The following NOC3L variants were observed in gnomAD, a reference collection of about 807,000 sequenced individuals.
NOC3L encodes nucleolar complex protein 3 homolog.
A neutral mutation model predicts 102.5 loss-of-function variants in NOC3L; 85 were observed. That is an observed-to-expected ratio of 0.83 (90% confidence interval 0.70 to 0.99). The LOEUF (loss-of-function observed/expected upper bound fraction) is 0.99. NOC3L is among the 50% of genes least tolerant of loss of function. The pLI is 0.00. For missense variants in NOC3L, 878 were observed against 914.9 expected (o/e 0.96, Z 0.52); for synonymous variants, 303 against 309.4 (o/e 0.98, Z 0.22).
chr10:94,340,295 T>C lies in NOC3L; in HGVS notation c.1761A>G (p.Thr587=). 6.2e-7 allele frequency: 1 copy of C among 1,612,012 alleles called. No homozygotes were observed. Among genetic ancestry groups the C allele is most frequent in the Non-Finnish European group, 8.5e-7 (1 of 1,179,018 alleles). ...PLKFYTHLYK[T]LFKLHAGATN... ...ACATACCTGCATGTAATTTGAACAGTGTTTTGTAGAGATGTGTGTAGAATT... is the reference window on the plus strand; with the variant it reads ...ACATACCTGCATGTAATTTGAACAGCGTTTTGTAGAGATGTGTGTAGAATT... The change falls in exon 16 of 21, where the codon ACA becomes ACG. Residue 587 remains threonine, a synonymous_variant. Coordinates refer to ENST00000371361, the MANE Select transcript of NOC3L (RefSeq NM_022451.11).
chr10:94,362,577 T>G (rs2054564362), intron 1 of NOC3L, among the ~76,000 whole-genome samples: 1 of 152,184 alleles, frequency 6.6e-6, no homozygotes, highest in African/African-American at 2.4e-5. Context: ...AAAGACGGTC[T>G]TGAAAAATTC....
chr10:94,338,643 G>A lies in NOC3L; in HGVS notation c.2056C>T (p.Gln686Ter), dbSNP rs1467174029. 1 of 1,610,328 alleles carries A rather than the reference G, an allele frequency of 6.2e-7. No individual in the cohort carries two copies. The highest frequency in any genetic ancestry group is 8.5e-7 in the Non-Finnish European group (1 of 1,177,536). ...TGCAGTTCCCACAGAGCAGTGTTCT[G>A]AGCATTGCAGTACTCAGGCTCATCC... The part of the protein sequence containing the change: ...ELDEPEYCNA[Q>*]NTALWELHAL... The change falls in exon 18 of 21, where the codon CAG becomes TAG. Residue 686 changes from glutamine to a stop codon, truncating the protein, a stop_gained. Coordinates refer to ENST00000371361, the MANE Select transcript of NOC3L (RefSeq NM_022451.11). LOFTEE classifies it high-confidence loss of function.
intron 17 of NOC3L, among the ~76,000 whole-genome samples, chr10:94,339,467 T>C (rs1372382030): frequency 2.6e-5 from 4 of 152,238 alleles, no homozygotes; most frequent in Admixed American, 1.3e-4. Context: ...GTTGTTTCTA[T>C]GTGTATGTGT....
Position 94,358,219 on chromosome 10 carries a change from T to C in NOC3L, c.218-4A>G. The C allele has an allele frequency of 2.3e-6, 3 of 1,310,976 alleles. No individual in the cohort carries two copies. The highest frequency in any genetic ancestry group is 1.8e-4 in the Middle Eastern group (1 of 5,464). The allele number at this position is 1,310,976 out of a possible 1,614,324, so 81.2% of individuals were successfully genotyped here. On this transcript the variant is annotated splice_region_variant and splice_polypyrimidine_tract_variant and intron_variant, in intron 2 of 20. Coordinates refer to ENST00000371361, the MANE Select transcript of NOC3L (RefSeq NM_022451.11). ...TCTTCCCTCTCAATCCTTTTACCTG[T>C]ACCACACACACACACACACAAAGAA...
the NOC3L span, chr10:94,324,802 G>A: frequency 7.0e-5 from 93 of 1,330,308 alleles, no homozygotes; most frequent in Non-Finnish European, 8.8e-5. Flanking sequence ...GCTCTAGAGA[G>A]AAGAGGAAAG....
At chr10:94,322,073 C>G in the NOC3L span, 2 of 1,612,338 alleles carry the variant, frequency 1.2e-6, no homozygotes, top group South Asian at 2.2e-5. Context: ...AAAGCCTCTC[C>G]CTTCCTCACC....
In NOC3L at chr10:94,340,350, T is replaced by C. The variant is rs750777525; in HGVS notation, c.1709-3A>G. ...TGGATCAATATTCAGAACATCACCT[T>C]TGAAATGACAACAAACACCAATTAG... On this transcript the variant is annotated splice_polypyrimidine_tract_variant and splice_region_variant and intron_variant, in intron 15 of 20. Transcript: ENST00000371361. The C allele has an allele frequency of 5.0e-6, 8 of 1,613,194 alleles. No individual in the cohort carries two copies. The Admixed American group carries it at 8.3e-5, about 17-fold the overall frequency.
Position 94,358,221 on chromosome 10 carries a change from CCACACA to C in NOC3L, c.218-12_218-7del, listed in dbSNP as rs111938683. ...TTCCCTCTCAATCCTTTTACCTGTA[CCACACA>C]CACACACACACAAAGAAAAATTAGA... On this transcript the variant is annotated splice_polypyrimidine_tract_variant and splice_region_variant and intron_variant, in intron 2 of 20. Coordinates refer to ENST00000371361, the MANE Select transcript of NOC3L (RefSeq NM_022451.11). The C allele has an allele frequency of 7.3e-6, 9 of 1,229,028 alleles. No homozygotes were observed. The highest frequency in any genetic ancestry group is 1.5e-5 in the African/African-American group (1 of 67,182). The allele number at this position is 1,229,028 out of a possible 1,614,324, so 76.1% of individuals were successfully genotyped here. A position where few individuals can be genotyped will look rare whatever the true frequency, so the allele number is the denominator to read the frequency against.
chr10:94,330,798 A>G (rs190221259), downstream of NOC3L: 1 of 152,348 alleles, frequency 6.6e-6, no homozygotes, highest in African/African-American at 2.4e-5. Flanking sequence ...AGCTTTCTGA[A>G]TTAAACAGCT....
intron 5 of NOC3L, among the ~76,000 whole-genome samples, chr10:94,355,898 T>C (rs916881656): frequency 6.6e-6 from 1 of 152,202 alleles, no homozygotes; most frequent in African/African-American, 2.4e-5. Flanking sequence ...GAACTAGATT[T>C]AATCAACACT....
rs1038620256 is a variant in NOC3L, at chr10:94,355,152, TAATAA to T, written c.566-64_566-60del. The T allele has an allele frequency of 3.1e-5, 44 of 1,418,714 alleles. No homozygotes were observed. The Admixed American group carries it at 3.6e-4, about 12-fold the overall frequency. 87.9% of individuals were successfully genotyped at this position (1,418,714 alleles called of 1,614,324 possible). On this transcript the variant is annotated intron_variant, in intron 5 of 20. Coordinates refer to ENST00000371361, the MANE Select transcript of NOC3L (RefSeq NM_022451.11). ...TCTGCTTACAAGTATCCAAGAATCT[TAATAA>T]AATATTTTTACAGTAATAATAATAA...
chr10:94,350,526 T>A (rs2054402011), intron 8 of NOC3L, among the ~76,000 whole-genome samples: 1 of 151,306 alleles, frequency 6.6e-6, no homozygotes, highest in Admixed American at 6.6e-5. Flanking sequence ...TTGACCAACA[T>A]GGTGAAACCC....
At chr10:94,315,646 G>A in the NOC3L span, among the ~76,000 whole-genome samples, 1 of 151,890 alleles carries the variant, frequency 6.6e-6, no homozygotes, top group South Asian at 2.1e-4. Context: ...GTGCACACCT[G>A]TAATCCCAGC....
Position 94,356,730 on chromosome 10 carries a change from G to A in NOC3L, c.509-139C>T, listed in dbSNP as rs989829566. 2.0e-5 allele frequency: 12 copies of A among 609,242 alleles called. No individual in the cohort carries two copies. In the African/African-American group the frequency reaches 2.2e-4, roughly 11 times the overall value. 37.7% of individuals were successfully genotyped at this position (609,242 alleles called of 1,614,324 possible). A position where few individuals can be genotyped will look rare whatever the true frequency, so the allele number is the denominator to read the frequency against. On this transcript the variant is annotated intron_variant, in intron 4 of 20. Coordinates refer to ENST00000371361, the MANE Select transcript of NOC3L (RefSeq NM_022451.11). Reference sequence around the variant, plus strand: ...GAAGAGCACAATTAGTGATTGAGGTGAGCACAAGGGAGGATTCTGGAAGCT... The same window carrying A: ...GAAGAGCACAATTAGTGATTGAGGTAAGCACAAGGGAGGATTCTGGAAGCT...
At chr10:94,333,051 A>T (rs950770105), downstream of NOC3L, among the ~76,000 whole-genome samples, 1 of 152,202 alleles carries the variant, frequency 6.6e-6, no homozygotes, top group Non-Finnish European at 1.5e-5. Context: ...TGTTAAGCTC[A>T]TATCCTCTCA....
At chr10:94,321,426 G>A in the NOC3L span, among the ~76,000 whole-genome samples, 1 of 152,200 alleles carries the variant, frequency 6.6e-6, no homozygotes, top group Non-Finnish European at 1.5e-5. Context: ...AAGGTCAGGA[G>A]TTCAAGACCA....
downstream of NOC3L, chr10:94,331,356 C>T (rs2054154074): frequency 6.6e-6 from 1 of 152,192 alleles, no homozygotes; most frequent in African/African-American, 2.4e-5. Context: ...TCTCCTCTTC[C>T]AATATCTCTA....
chr10:94,343,149 C>A (rs1264140233), intron 13 of NOC3L, among the ~76,000 whole-genome samples: 1 of 151,154 alleles, frequency 6.6e-6, no homozygotes, highest in East Asian at 1.9e-4. Context: ...GGAGGGGGAG[C>A]TTGCAATTTT....
intron 6 of NOC3L, 133 bp downstream of exon 6, chr10:94,354,830 C>T (rs1471660446): frequency 1.2e-6 from 1 of 841,820 alleles, no homozygotes; most frequent in Non-Finnish European, 1.8e-6. Context: ...TACTCTCTTA[C>T]TCTAACCCAG....
Sources: allele counts gnomAD v4.1 joint callset (sites outside exome capture counted in the v4.1 genomes callset), GRCh38; gene constraint gnomAD v4.1.1; transcripts MANE v1.5; gene names NCBI Gene and HGNC (gene_info 2026-07-23, HGNC 2026-07-21).